The following SLC5A3 variants were observed in gnomAD, a reference collection of about 807,000 sequenced individuals.
SLC5A3 encodes the protein sodium/myo-inositol cotransporter.
In SLC5A3, 10 loss-of-function variants were observed where a neutral mutation model predicts 43.2. That is an observed-to-expected ratio of 0.23 (90% CI 0.14 to 0.39). SLC5A3 has a LOEUF of 0.39. Ranked by LOEUF, SLC5A3 falls within the 10% of genes least tolerant of loss-of-function variation. The pLI, the probability that SLC5A3 is intolerant of heterozygous loss-of-function variation, is 1.00. For missense variants in SLC5A3, 608 were observed against 893.4 expected, an observed-to-expected ratio of 0.68 and a Z score of 4.07; for synonymous variants, 349 against 322.0, an observed-to-expected ratio of 1.08 and a Z score of -0.90.
rs1406909593 is a variant in SLC5A3, at chr21:34,099,044, A to AT, written c.*1691dup. 1.0e-5 allele frequency: 10 copies of AT among 990,970 alleles called. No individual in the cohort carries two copies. The highest frequency in any genetic ancestry group is 1.2e-5 in the Non-Finnish European group (10 of 821,676). 61.4% of individuals were successfully genotyped at this position (990,970 alleles called of 1,614,324 possible). ...AACTAGTTTCATTATGATGGACTTGATTAGTCCAAAGTTAATTTTAGAAAT... is the reference window on the plus strand; with the variant it reads ...AACTAGTTTCATTATGATGGACTTGATTTAGTCCAAAGTTAATTTTAGAAAT... On this transcript the variant is annotated 3_prime_UTR_variant, in exon 2 of 2. Coordinates refer to ENST00000381151, the MANE Select transcript of SLC5A3 (RefSeq NM_006933.7).
In SLC5A3 at chr21:34,103,329, A is replaced by AC. The variant is rs1979331499; in HGVS notation, c.*5974_*5975insC. 11 of 998,706 alleles carry AC rather than the reference A, an allele frequency of 1.1e-5. No homozygotes were observed. The highest frequency in any genetic ancestry group is 1.3e-5 in the Non-Finnish European group (11 of 828,950). The allele number at this position is 998,706 out of a possible 1,614,324, so 61.9% of individuals were successfully genotyped here. ...AGTGAAGGAAGTAAAAAAAAAAAAA[A>AC]AACATGCATTACATTGACATACTTT... On this transcript the variant is annotated 3_prime_UTR_variant, in exon 2 of 2. Coordinates refer to ENST00000381151, the MANE Select transcript of SLC5A3 (RefSeq NM_006933.7).
chr21:34,090,364 A>C (rs2834377), intron 1 of SLC5A3, among the ~76,000 whole-genome samples: 28,762 of 152,200 alleles, frequency 0.19, 5,325 homozygotes, highest in African/African-American at 0.48. Context: ...CTTTCCTAGA[A>C]CTTGAGTCAA....
Position 34,101,187 on chromosome 21 carries a change from A to T in SLC5A3, c.*3832A>T. 2.0e-6 allele frequency: 2 copies of T among 1,000,120 alleles called. No homozygotes were observed. The highest frequency in any genetic ancestry group is 3.5e-5 in the African/African-American group (2 of 57,346). The allele number at this position is 1,000,120 out of a possible 1,614,324, so 62.0% of individuals were successfully genotyped here. A position where few individuals can be genotyped will look rare whatever the true frequency, so the allele number is the denominator to read the frequency against. On this transcript the variant is annotated 3_prime_UTR_variant, in exon 2 of 2. Coordinates refer to ENST00000381151, the MANE Select transcript of SLC5A3 (RefSeq NM_006933.7). ...GTGACACAGATATTAGCCCGTTGGT[A>T]AAAGACAACAAATATTAGCTTAAAA...
At chr21:34,090,539 A>G (rs1211227743) in intron 1 of SLC5A3, among the ~76,000 whole-genome samples, 1 of 152,158 alleles carries the variant, frequency 6.6e-6, no homozygotes. Context: ...TATTTTATCT[A>G]ATCTTTCTAT....
At chr21:34,074,795 A>G (rs1424837478) in intron 1 of SLC5A3, among the ~76,000 whole-genome samples, 2 of 152,256 alleles carry the variant, frequency 1.3e-5, no homozygotes, top group African/African-American at 4.8e-5. Flanking sequence ...ATTAGGCTCC[A>G]GGTCAATTGC....
rs1341416036 is a variant in SLC5A3, at chr21:34,105,456, G to C, written c.*8101G>C. On this transcript the variant is annotated 3_prime_UTR_variant, in exon 2 of 2. Coordinates refer to ENST00000381151, the MANE Select transcript of SLC5A3 (RefSeq NM_006933.7). ...TATTTTTAAGCCAAATGTCAGCAGA[G>C]TGCTGCTGCTTTTATCTAGTAATTT... 2 of 998,488 alleles carry C rather than the reference G, an allele frequency of 2.0e-6. No homozygotes were observed. Among genetic ancestry groups the C allele is most frequent in the African/African-American group, 3.5e-5 (2 of 57,276 alleles). 61.9% of individuals were successfully genotyped at this position (998,488 alleles called of 1,614,324 possible).
At position 34,105,956 on chromosome 21, in the gene SLC5A3, A is replaced by G; in HGVS notation, c.*8601A>G. The G allele has an allele frequency of 5.0e-6, 5 of 993,580 alleles. No individual in the cohort carries two copies. Among genetic ancestry groups the G allele is most frequent in the Non-Finnish European group, 6.1e-6 (5 of 823,878 alleles). 61.5% of individuals were successfully genotyped at this position (993,580 alleles called of 1,614,324 possible). On this transcript the variant is annotated 3_prime_UTR_variant, in exon 2 of 2. Transcript: ENST00000381151. ...AATCTGATTTTTTAAAATTGTAAACATGTATGATCTTGGTTTCATGTGTTT... is the reference window on the plus strand; with the variant it reads ...AATCTGATTTTTTAAAATTGTAAACGTGTATGATCTTGGTTTCATGTGTTT...
intron 1 of SLC5A3, among the ~76,000 whole-genome samples, chr21:34,078,280 T>C (rs1469324187): frequency 6.6e-6 from 1 of 152,140 alleles, no homozygotes; most frequent in African/African-American, 2.4e-5. Flanking sequence ...CTGTGAACAA[T>C]GTTATACTTT....
intron 1 of SLC5A3, among the ~76,000 whole-genome samples, chr21:34,074,613 C>T (rs1989280012): frequency 6.6e-6 from 1 of 152,236 alleles, no homozygotes; most frequent in African/African-American, 2.4e-5. Context: ...CTCCTCAAGT[C>T]GTCGCCGAAA....
At position 34,096,166 on chromosome 21, in the gene SLC5A3, T is replaced by A. The variant is rs1978956108; in HGVS notation, c.968T>A (p.Leu323Gln). 1 of 1,614,180 alleles carries A rather than the reference T, an allele frequency of 6.2e-7. No individual in the cohort carries two copies. Among genetic ancestry groups the A allele is most frequent in the Non-Finnish European group, 8.5e-7 (1 of 1,180,000 alleles). Reference protein sequence around the residue: ...IVVPGMISRILFTDDIACINP... With the variant: ...IVVPGMISRIQFTDDIACINP... ...GTCCCAGGAATGATTTCCAGGATAC[T>A]GTTTACTGATGATATAGCTTGCATC... is the stretch of plus-strand genomic sequence containing the variant. The change falls in exon 2 of 2, where the codon CTG (leucine) becomes CAG (glutamine). Residue 323 changes from leucine (L) to glutamine (Q), a missense_variant. By Grantham distance (113) the Leu-to-Gln change is moderately radical. Transcript: ENST00000381151. This position sits in a 1 kb window ranked among gnomAD's most constrained non-coding sequence, Gnocchi z 5.9.
Position 34,100,383 on chromosome 21 carries a change from A to C in SLC5A3, c.*3028A>C. ...GTTCTGCCACCCCCAGAGAGTAAAC[A>C]CTTGAGCCGATTTCTTCTTCCCCAG... On this transcript the variant is annotated 3_prime_UTR_variant, in exon 2 of 2. Transcript: ENST00000381151. The C allele has an allele frequency of 2.0e-6, 2 of 1,000,144 alleles. No individual in the cohort carries two copies. The highest frequency in any genetic ancestry group is 2.4e-6 in the Non-Finnish European group (2 of 829,954). 62.0% of individuals were successfully genotyped at this position (1,000,144 alleles called of 1,614,324 possible).
chr21:34,103,947 C>G lies in SLC5A3; in HGVS notation c.*6592C>G. ...GGTGGGTGGAACAGGTGACATATTTCTGTTTTAAGCTGTAGTGTGATTGGG... is the reference window on the plus strand; with the variant it reads ...GGTGGGTGGAACAGGTGACATATTTGTGTTTTAAGCTGTAGTGTGATTGGG... On this transcript the variant is annotated 3_prime_UTR_variant, in exon 2 of 2. Transcript: ENST00000381151. 8 of 1,000,128 alleles carry G rather than the reference C, an allele frequency of 8.0e-6. No individual in the cohort carries two copies. The highest frequency in any genetic ancestry group is 9.6e-6 in the Non-Finnish European group (8 of 829,924). 62.0% of individuals were successfully genotyped at this position (1,000,128 alleles called of 1,614,324 possible). A position where few individuals can be genotyped will look rare whatever the true frequency, so the allele number is the denominator to read the frequency against.
In SLC5A3 at chr21:34,103,537, A is replaced by T. The variant is rs1209047250; in HGVS notation, c.*6182A>T. On this transcript the variant is annotated 3_prime_UTR_variant, in exon 2 of 2. Coordinates refer to ENST00000381151, the MANE Select transcript of SLC5A3 (RefSeq NM_006933.7). ...GAGAACAGGTACGTGACAACAGTTT[A>T]TATTCCATGATAGAAAGCTAAAGTC... 1.0e-6 allele frequency: 1 copy of T among 1,000,018 alleles called. No individual in the cohort carries two copies. Among genetic ancestry groups the T allele is most frequent in the East Asian group, 1.1e-4 (1 of 8,834 alleles). 61.9% of individuals were successfully genotyped at this position (1,000,018 alleles called of 1,614,324 possible). A position where few individuals can be genotyped will look rare whatever the true frequency, so the allele number is the denominator to read the frequency against.
rs1989241581 is a variant in SLC5A3, at chr21:34,073,625, A to G, written c.-457A>G. ...CCGGCGCAGCAGTTTCTAGGTCCCCACTGTCCCCGCCGTCCCGCCCCTTCG... is the reference window on the plus strand; with the variant it reads ...CCGGCGCAGCAGTTTCTAGGTCCCCGCTGTCCCCGCCGTCCCGCCCCTTCG... On this transcript the variant is annotated 5_prime_UTR_variant, in exon 1 of 2. Coordinates refer to ENST00000381151, the MANE Select transcript of SLC5A3 (RefSeq NM_006933.7). 5.2e-6 allele frequency: 7 copies of G among 1,334,304 alleles called. No homozygotes were observed. The highest frequency in any genetic ancestry group is 2.0e-5 in the Admixed American group (1 of 50,496). 82.7% of individuals were successfully genotyped at this position (1,334,304 alleles called of 1,614,324 possible). A position where few individuals can be genotyped will look rare whatever the true frequency, so the allele number is the denominator to read the frequency against.
intron 1 of SLC5A3, among the ~76,000 whole-genome samples, chr21:34,077,849 A>C (rs914853658): frequency 6.6e-6 from 1 of 152,192 alleles, no homozygotes; most frequent in Admixed American, 6.5e-5. Flanking sequence ...AGAGTGATGA[A>C]GAGTTTTTCT....
intron 1 of SLC5A3, among the ~76,000 whole-genome samples, chr21:34,091,382 T>G (rs922107192): frequency 1.3e-5 from 2 of 152,126 alleles, no homozygotes; most frequent in Non-Finnish European, 2.9e-5. Context: ...TTTGATAGAG[T>G]GCCCATATAT....
At position 34,097,728 on chromosome 21, in the gene SLC5A3, T is replaced by A. The variant is rs1008635643; in HGVS notation, c.*373T>A. ...CAGACCTTACCCTGAAGTAGAAGAT[T>A]TGCTCATTTCTAAATTTTTTTTTCT... On this transcript the variant is annotated 3_prime_UTR_variant, in exon 2 of 2. Transcript: ENST00000381151. The A allele has an allele frequency of 3.0e-6, 3 of 1,007,862 alleles. No individual in the cohort carries two copies. In the African/African-American group the frequency reaches 5.2e-5, roughly 18 times the overall value. 62.4% of individuals were successfully genotyped at this position (1,007,862 alleles called of 1,614,324 possible). A position where few individuals can be genotyped will look rare whatever the true frequency, so the allele number is the denominator to read the frequency against.
chr21:34,084,283 CT>C (rs902148067), intron 1 of SLC5A3, among the ~76,000 whole-genome samples: 1 of 152,100 alleles, frequency 6.6e-6, no homozygotes, highest in African/African-American at 2.4e-5. Flanking sequence ...CAGGAAGGTG[CT>C]TGTGCTTAGG....
chr21:34,090,567 A>T (rs1241255488), intron 1 of SLC5A3, among the ~76,000 whole-genome samples: 1 of 152,246 alleles, frequency 6.6e-6, no homozygotes, highest in African/African-American at 2.4e-5. Context: ...TAACTTGGGA[A>T]AATCCTAATA....
Sources: allele counts gnomAD v4.1 joint callset (sites outside exome capture counted in the v4.1 genomes callset), GRCh38; gene constraint gnomAD v4.1.1; non-coding constraint Gnocchi (gnomAD v3.1); transcripts MANE v1.5; gene names NCBI Gene and HGNC (gene_info 2026-07-23, HGNC 2026-07-21).